Variants in SEC31A observed in about 807,000 individuals in gnomAD.
SEC31A encodes protein transport protein Sec31A.
A neutral mutation model predicts 151.0 loss-of-function variants in SEC31A; 70 were observed. That is an observed-to-expected ratio of 0.46 (90% CI 0.38 to 0.57). The LOEUF is 0.57. Among genes scored for constraint, SEC31A ranks in the 20% least tolerant of loss-of-function variants. The pLI, the probability that SEC31A is intolerant of heterozygous loss-of-function variation, is 0.00. For synonymous variants in SEC31A, 475 were observed against 505.9 expected, an observed-to-expected ratio of 0.94 and a Z score of 0.82; for missense variants, 1,330 against 1,471.2, an observed-to-expected ratio of 0.90 and a Z score of 1.57.
At chr4:82,889,823 A>G (rs946336099) in intron 1 of SEC31A, among the ~76,000 whole-genome samples, 8 of 152,244 alleles carry the variant, frequency 5.3e-5, no homozygotes, top group African/African-American at 1.9e-4. Flanking sequence ...AATCACTACA[A>G]AACTACAAAA....
rs1239508025 is a variant in SEC31A at position 82,848,946 on chromosome 4, C to T, written c.2360G>A (p.Cys787Tyr). The T allele has an allele frequency of 1.9e-6, 3 of 1,613,462 alleles. No homozygotes were observed. The highest frequency in any genetic ancestry group is 1.3e-5 in the African/African-American group (1 of 74,862). Reference protein sequence around the residue: ...PNIMQLRDRLCRAQGEPVAGH... With the variant: ...PNIMQLRDRLYRAQGEPVAGH... ...TGCTACAGGCTCTCCTTGTGCTCTA[C>T]AAAGTCTGTCACGAAGCTGCATGAT... The change falls in exon 20 of 27, where the codon TGT (cysteine) becomes TAT (tyrosine). Residue 787 changes from cysteine to tyrosine, a missense_variant. Physicochemically the swap from Cys to Tyr is radical, Grantham distance 194 (BLOSUM62 -2). Coordinates refer to ENST00000395310, the MANE Select transcript of SEC31A (RefSeq NM_001077207.4).
chr4:82,864,220 T>C (rs1405629971), intron 11 of SEC31A, 142 bp downstream of exon 11: 3 of 651,492 alleles, frequency 4.6e-6, no homozygotes, highest in African/African-American at 3.6e-5. Context: ...GTATGCTCTT[T>C]ATAAGGCTTC....
rs200281221 is a variant in SEC31A, at chr4:82,829,085, C to A, written c.2969-27G>T. 2.1e-3 allele frequency: 3,257 copies of A among 1,574,488 alleles called. 1 individual carries two copies. The highest frequency in any genetic ancestry group is 2.7e-3 in the Non-Finnish European group (3,111 of 1,144,976). On this transcript the variant is annotated intron_variant, in intron 22 of 26. Coordinates refer to ENST00000395310, the MANE Select transcript of SEC31A (RefSeq NM_001077207.4). ...TATAACAGATAACAGAGAATGTTTT[C>A]CTTTAGAATCCTGAAAGGAAAAAAA... is the stretch of plus-strand genomic sequence containing the variant.
chr4:82,899,060 A>AGATGGAT (rs1407899995), intron 3 of SEC31A, among the ~76,000 whole-genome samples: 1 of 152,250 alleles, frequency 6.6e-6, no homozygotes, highest in Non-Finnish European at 1.5e-5. Context: ...ACGTGCTATA[A>AGATGGAT]GATGGATGAA....
chr4:82,871,361 G>T (rs1225974071), intron 7 of SEC31A: 1 of 1,520,824 alleles, frequency 6.6e-7, no homozygotes, highest in Non-Finnish European at 8.8e-7. Context: ...ACAGTAAAAT[G>T]TTTTACCTAT....
intron 1 of SEC31A, among the ~76,000 whole-genome samples, chr4:82,885,329 TAA>T (rs35117544): frequency 6.6e-6 from 1 of 152,226 alleles, no homozygotes; most frequent in African/African-American, 2.4e-5. Flanking sequence ...TAATAATTTT[TAA>T]AAAGTCTTTC....
chr4:82,819,198 C>T lies in SEC31A; in HGVS notation c.3539G>A (p.Arg1180Gln), dbSNP rs749817015. Residue 1180 changes from arginine to glutamine, a missense_variant, in exon 27 of 27, where the codon CGA becomes CAA. Coordinates refer to ENST00000395310, the MANE Select transcript of SEC31A (RefSeq NM_001077207.4). ...CATGGTCAATCCTTCTGAGTAGTTTCGAGTTTCAATGCTCCTTGCAATGTT... is the reference window on the plus strand; with the variant it reads ...CATGGTCAATCCTTCTGAGTAGTTTTGAGTTTCAATGCTCCTTGCAATGTT... ...LHNIARSIET[R>Q]NYSEGLTMHT... 3.7e-6 allele frequency: 6 copies of T among 1,610,974 alleles called. No homozygotes were observed. The highest frequency in any genetic ancestry group is 2.2e-5 in the East Asian group (1 of 44,786).
At chr4:82,863,976 TCTC>T (rs756710883) in intron 11 of SEC31A, among the ~76,000 whole-genome samples, 29 of 152,252 alleles carry the variant, frequency 1.9e-4, no homozygotes, top group Non-Finnish European at 3.8e-4. Context: ...CTCCAACCTC[TCTC>T]CTCTATTCCT....
At chr4:82,870,210 T>G in intron 8 of SEC31A, 115 bp downstream of exon 8, 7 of 734,864 alleles carry the variant, frequency 9.5e-6, no homozygotes, top group Non-Finnish European at 1.4e-5. Flanking sequence ...CACACACACG[T>G]CCACATACTC....
At chr4:82,890,844 G>C (rs1719561403) in intron 1 of SEC31A, 5 of 1,325,656 alleles carry the variant, frequency 3.8e-6, no homozygotes, top group Non-Finnish European at 3.9e-6. Flanking sequence ...CGCCAGCCTC[G>C]GGTGGCTTTT....
intron 22 of SEC31A, among the ~76,000 whole-genome samples, chr4:82,832,420 A>G (rs1467344490): frequency 6.6e-6 from 1 of 152,228 alleles, no homozygotes; most frequent in African/African-American, 2.4e-5. Context: ...AAGGTGGATC[A>G]AAGACTTAAA....
chr4:82,867,436 T>C (rs1028817597), intron 8 of SEC31A, 120 bp from the exon 9 acceptor site: 17 of 807,156 alleles, frequency 2.1e-5, no homozygotes, highest in Non-Finnish European at 2.9e-5. Context: ...TTGTAGAAAG[T>C]ATCTTTAGCC....
At position 82,842,053 on chromosome 4, in the gene SEC31A, C is replaced by G. The variant is rs577992263; in HGVS notation, c.2968+87G>C. 18 of 1,119,682 alleles carry G rather than the reference C, an allele frequency of 1.6e-5. No homozygotes were observed. In the South Asian group the frequency reaches 2.8e-4, roughly 17 times the overall value. 69.4% of individuals were successfully genotyped at this position (1,119,682 alleles called of 1,614,324 possible). A position where few individuals can be genotyped will look rare whatever the true frequency, so the allele number is the denominator to read the frequency against. On this transcript the variant is annotated intron_variant, in intron 22 of 26. Coordinates refer to ENST00000395310, the MANE Select transcript of SEC31A (RefSeq NM_001077207.4). Reference sequence around the variant, plus strand: ...CACCTCACATTACCCAGTTTACAAACAGTTAGAAATAATACCCCTCCATCC... The same window carrying G: ...CACCTCACATTACCCAGTTTACAAAGAGTTAGAAATAATACCCCTCCATCC...
chr4:82,887,290 G>C (rs1401050837), intron 1 of SEC31A, among the ~76,000 whole-genome samples: 1 of 151,716 alleles, frequency 6.6e-6, no homozygotes, highest in Non-Finnish European at 1.5e-5. Context: ...AAAAGAAAGA[G>C]ACACATTTAT....
intron 10 of SEC31A, among the ~76,000 whole-genome samples, chr4:82,865,536 G>GTGTATATA (rs1735120402): frequency 7.3e-6 from 1 of 137,156 alleles, no homozygotes; most frequent in African/African-American, 2.8e-5. Context: ...AAAAAATGTG[G>GTGTATATA]TATATATATA....
intron 4 of SEC31A, among the ~76,000 whole-genome samples, chr4:82,878,267 G>A (rs1010948473): frequency 2.2e-4 from 33 of 151,868 alleles, no homozygotes; most frequent in African/African-American, 6.3e-4. Context: ...AGGCCGAGGC[G>A]GGCGGATCAC....
chr4:82,890,791 C>G, intron 1 of SEC31A: 2 of 1,279,120 alleles, frequency 1.6e-6, no homozygotes, highest in Non-Finnish European at 2.0e-6. Flanking sequence ...TAATCTCAAA[C>G]TCCAGTTACC....
rs397994259 is a variant in SEC31A, at chr4:82,828,673, C to CAAAAAAAAAAAAAAAAAAAAAAAA, written c.3027+303_3027+326dup. On this transcript the variant is annotated intron_variant, in intron 23 of 26. Transcript: ENST00000395310. ...GTAGAACCCAAAGACCAAAGTAACT[C>CAAAAAAAAAAAAAAAAAAAAAAAA]AAAAAAAAAAAAAAAAAAAAAAAAG... 9.1e-4 allele frequency among the ~76,000 whole-genome samples: 40 copies of CAAAAAAAAAAAAAAAAAAAAAAAA among 44,074 alleles called. 2 individuals are homozygous for CAAAAAAAAAAAAAAAAAAAAAAAA. Among genetic ancestry groups the CAAAAAAAAAAAAAAAAAAAAAAAA allele is most frequent in the Middle Eastern group, 0.028 (1 of 36 alleles). The allele number at this position is 44,074 out of a possible 152,430, so 28.9% of individuals were successfully genotyped here. A position where few individuals can be genotyped will look rare whatever the true frequency, so the allele number is the denominator to read the frequency against.
intron 1 of SEC31A, among the ~76,000 whole-genome samples, chr4:82,884,589 G>C (rs1578395537): frequency 1.3e-5 from 2 of 152,290 alleles, no homozygotes; most frequent in Middle Eastern, 6.8e-3. Flanking sequence ...CAATTTATAT[G>C]AGGGCTCACT....
Sources: allele counts gnomAD v4.1 joint callset (sites outside exome capture counted in the v4.1 genomes callset), GRCh38; gene constraint gnomAD v4.1.1; transcripts MANE v1.5; gene names NCBI Gene and HGNC (gene_info 2026-07-23, HGNC 2026-07-21).